SVOP: variants seen among roughly 807,000 people sequenced by gnomAD.
SVOP encodes SV2 related protein, also known as synaptic vesicle 2-related protein.
SVOP carries 17 observed loss-of-function variants against 69.1 expected under a neutral mutation model. The ratio of observed to expected loss-of-function variants is 0.25; its 90% confidence interval spans 0.17 to 0.37. SVOP has a LOEUF of 0.37. SVOP is among the 10% of genes least tolerant of loss of function. SVOP has a pLI of 1.00. For missense variants in SVOP, 435 were observed against 597.5 expected (o/e 0.73, Z 2.84); for synonymous variants, 238 against 238.6 (o/e 1.00, Z 0.02).
intron 1 of SVOP, among the ~76,000 whole-genome samples, chr12:108,991,585 A>C (rs1029643402): frequency 7.9e-5 from 12 of 151,788 alleles, no homozygotes; most frequent in African/African-American, 2.2e-4. Flanking sequence ...CCTCCTGAGT[A>C]GCTGGGATTA....
intron 1 of SVOP, among the ~76,000 whole-genome samples, chr12:108,995,049 G>A (rs1476444576): frequency 2.0e-5 from 3 of 152,036 alleles, no homozygotes; most frequent in Non-Finnish European, 4.4e-5. Context: ...GGAGGCTGAG[G>A]TGGGAGGATT....
At chr12:108,927,558 C>T (rs905924087) in intron 11 of SVOP, among the ~76,000 whole-genome samples, 1 of 150,138 alleles carries the variant, frequency 6.7e-6, no homozygotes, top group East Asian at 1.9e-4. Flanking sequence ...AATTCACTGA[C>T]GTATTCTAAT....
At chr12:108,972,293 A>C in intron 5 of SVOP, 112 bp downstream of exon 5, 1 of 1,001,114 alleles carries the variant, frequency 1.0e-6, no homozygotes, top group Non-Finnish European at 1.5e-6. Flanking sequence ...GTACTTCAAC[A>C]TCATCCTTAT....
intron 15 of SVOP, among the ~76,000 whole-genome samples, chr12:108,913,066 GT>G (rs151294190): frequency 0.041 from 6,268 of 151,762 alleles, 430 homozygotes; most frequent in African/African-American, 0.14. Context: ...TCTTTTTTTT[GT>G]TTTTTGTTTT....
intron 7 of SVOP, among the ~76,000 whole-genome samples, chr12:108,941,723 G>T (rs1023514779): frequency 6.6e-6 from 1 of 151,584 alleles, no homozygotes; most frequent in Non-Finnish European, 1.5e-5. Flanking sequence ...GTATAGTGGC[G>T]CAATCTTGGC....
At chr12:108,983,855 C>G in intron 1 of SVOP, 94 bp from the exon 2 acceptor site, 1 of 398,364 alleles carries the variant, frequency 2.5e-6, no homozygotes, top group African/African-American at 2.1e-5. Flanking sequence ...TGAAAGACTT[C>G]TTCTCATGGT....
chr12:108,948,475 T>C (rs2039936825), intron 6 of SVOP, among the ~76,000 whole-genome samples: 1 of 152,228 alleles, frequency 6.6e-6, no homozygotes, highest in African/African-American at 2.4e-5. Context: ...AGAGAAGTTG[T>C]TACTTGACCA....
At chr12:108,991,664 C>G (rs981341253) in intron 1 of SVOP, among the ~76,000 whole-genome samples, 24 of 151,924 alleles carry the variant, frequency 1.6e-4, no homozygotes, top group African/African-American at 5.8e-4. Flanking sequence ...CCATGTTGGC[C>G]AGGCTGGTCT....
At chr12:108,951,653 T>C (rs1055509458) in intron 6 of SVOP, among the ~76,000 whole-genome samples, 8 of 152,134 alleles carry the variant, frequency 5.3e-5, no homozygotes, top group Non-Finnish European at 1.0e-4. Flanking sequence ...CCAGAGTCAT[T>C]CTCCAAGTCA....
Position 108,912,280 on chromosome 12 carries a change from C to T in SVOP, c.*255G>A. The stretch of plus-strand genomic sequence containing the variant: ...AGACCCTCCTAATATGGGTAGTCTT[C>T]CCATGTAGATCCACAGGTTATGAAC... On this transcript the variant is annotated 3_prime_UTR_variant, in exon 16 of 16. Coordinates refer to ENST00000610966, the MANE Select transcript of SVOP (RefSeq NM_018711.5). 2 of 1,374,202 alleles carry T rather than the reference C, an allele frequency of 1.5e-6. No individual in the cohort carries two copies. Among genetic ancestry groups the T allele is most frequent in the Non-Finnish European group, 9.4e-7 (1 of 1,064,628 alleles). 85.1% of individuals were successfully genotyped at this position (1,374,202 alleles called of 1,614,324 possible).
At chr12:108,982,620 T>C (rs996514607) in intron 2 of SVOP, among the ~76,000 whole-genome samples, 11 of 151,254 alleles carry the variant, frequency 7.3e-5, no homozygotes, top group East Asian at 2.0e-4. Flanking sequence ...CTTATCACCA[T>C]CTTCATCACT....
At chr12:108,946,550 C>T (rs1355682245) in intron 6 of SVOP, among the ~76,000 whole-genome samples, 4 of 151,768 alleles carry the variant, frequency 2.6e-5, no homozygotes, top group African/African-American at 7.3e-5. Context: ...TACAATGGGT[C>T]GAAGCCTGTT....
chr12:108,930,599 T>C (rs1204998837), intron 11 of SVOP, among the ~76,000 whole-genome samples: 1 of 152,132 alleles, frequency 6.6e-6, no homozygotes, highest in Non-Finnish European at 1.5e-5. Context: ...CACACTCAGC[T>C]AATTTTTGTA....
intron 9 of SVOP, among the ~76,000 whole-genome samples, chr12:108,938,010 A>G (rs2039866827): frequency 6.6e-6 from 1 of 152,174 alleles, no homozygotes; most frequent in Admixed American, 6.5e-5. Flanking sequence ...AGGCAACCAA[A>G]TAGGCTTCTG....
chr12:108,960,832 C>A, intron 6 of SVOP, 91 bp downstream of exon 6: 2 of 1,453,436 alleles, frequency 1.4e-6, no homozygotes, highest in Non-Finnish European at 1.8e-6. Flanking sequence ...CCCCTGCTGC[C>A]CCATCTCAGC....
intron 1 of SVOP, among the ~76,000 whole-genome samples, chr12:108,992,462 G>C (rs2040207779): frequency 6.6e-6 from 1 of 152,116 alleles, no homozygotes; most frequent in African/African-American, 2.4e-5. Flanking sequence ...GGTCGCTTGA[G>C]CCTGAGAGGT....
intron 1 of SVOP, among the ~76,000 whole-genome samples, chr12:109,002,585 T>G (rs2040278332): frequency 6.7e-6 from 1 of 149,762 alleles, no homozygotes; most frequent in Admixed American, 6.7e-5. Context: ...TAGACTGGAT[T>G]AAGAAAATGT....
intron 3 of SVOP, 126 bp from the exon 4 acceptor site, chr12:108,977,622 G>A (rs2040113900): frequency 1.7e-6 from 1 of 598,228 alleles, no homozygotes; most frequent in Non-Finnish European, 3.0e-6. Context: ...CAAGTGCCCT[G>A]CTGCACATCA....
chr12:108,957,708 C>A (rs36171645), intron 6 of SVOP, among the ~76,000 whole-genome samples: 76,734 of 152,114 alleles, frequency 0.5, 22,954 homozygotes, highest in South Asian at 0.68. Context: ...GCAGCTATGG[C>A]CTAAAAGAGG....
Sources: gnomAD v4.1 joint callset for allele counts (sites outside exome capture counted in the v4.1 genomes callset) on GRCh38, gnomAD v4.1.1 for gene constraint, MANE v1.5 for transcripts, NCBI Gene and HGNC (gene_info 2026-07-23, HGNC 2026-07-21) for gene names.